ANKRA2: variants seen among roughly 807,000 people sequenced by gnomAD.
ANKRA2 encodes ankyrin repeat family A protein 2.
A neutral mutation model predicts 37.8 loss-of-function variants in ANKRA2; 33 were observed. That is an observed-to-expected ratio of 0.87 (90% CI 0.66 to 1.17). ANKRA2 has a LOEUF of 1.17. Among genes scored for constraint, ANKRA2 ranks in the 50% most tolerant of loss-of-function variants. The probability of loss-of-function intolerance (pLI) is 0.00; values close to 1 mark genes in which losing one functional copy is unlikely to be tolerated. For missense variants in ANKRA2, 326 were observed against 373.7 expected (o/e 0.87, Z 1.05); for synonymous variants, 126 against 132.3 (o/e 0.95, Z 0.33).
chr5:73,555,363 G>A (rs949269624), intron 5 of ANKRA2, 125 bp downstream of exon 5: 2 of 1,415,754 alleles, frequency 1.4e-6, no homozygotes, highest in African/African-American at 1.5e-5. Context: ...ACAAGAATAT[G>A]AAAAGCATTA....
chr5:73,557,803 G>T (rs1006818185), intron 3 of ANKRA2, among the ~76,000 whole-genome samples, 163 bp from the exon 4 acceptor site: 3 of 152,152 alleles, frequency 2.0e-5, no homozygotes, highest in African/African-American at 7.2e-5. Context: ...AAGGCTGGGC[G>T]CAGTGGCTCA....
chr5:73,558,285 T>A (rs980852823), intron 3 of ANKRA2, among the ~76,000 whole-genome samples: 2 of 152,116 alleles, frequency 1.3e-5, no homozygotes, highest in African/African-American at 2.4e-5. Flanking sequence ...CAGCCTTTTT[T>A]AAAAATCTAC....
In ANKRA2 at chr5:73,554,922, C is replaced by T. The variant is rs763819470; in HGVS notation, c.677G>A (p.Gly226Asp). The T allele has an allele frequency of 6.2e-7, 1 of 1,613,784 alleles. No individual in the cohort carries two copies. Residue 226 changes from glycine to aspartate, a missense_variant, in exon 6 of 9, where the codon GGC (glycine) becomes GAC (aspartate). Gly to Asp is a moderately conservative substitution (Grantham distance 94). Around this residue, in one of 3 missense-constraint regions of ANKRA2, gnomAD observed 228 missense variants for 260.2 expected, o/e 0.88. Transcript: ENST00000296785. The stretch of plus-strand genomic sequence containing the variant: ...CAGCATTTTGACAATATCTGTGTAG[C>T]CTTTACTACAGGCCAACGACAGTGC... Reference protein sequence around the residue: ...ESALSLACSKGYTDIVKMLLD... With the variant: ...ESALSLACSKDYTDIVKMLLD...
rs1280885358 is a variant in ANKRA2, at chr5:73,552,450, A to G, written c.*347T>C. 5.8e-6 allele frequency: 1 copy of G among 173,450 alleles called. No homozygotes were observed. The highest frequency in any genetic ancestry group is 1.2e-5 in the Non-Finnish European group (1 of 82,658). 10.7% of individuals were successfully genotyped at this position (173,450 alleles called of 1,614,324 possible). A position where few individuals can be genotyped will look rare whatever the true frequency, so the allele number is the denominator to read the frequency against. ...TCTAGGGATTTATAGCAAACCCTAT[A>G]TAAAGTGAATGACTTAATACACGAG... On this transcript the variant is annotated 3_prime_UTR_variant, in exon 9 of 9. Coordinates refer to ENST00000296785, the MANE Select transcript of ANKRA2 (RefSeq NM_023039.5).
intron 5 of ANKRA2, 157 bp from the exon 6 acceptor site, chr5:73,555,143 A>G: frequency 7.0e-7 from 1 of 1,428,644 alleles, no homozygotes; most frequent in African/African-American, 1.4e-5. Flanking sequence ...GCTTTTATTG[A>G]GATTGCCTGG....
intron 8 of ANKRA2, among the ~76,000 whole-genome samples, chr5:73,553,165 CTT>C (rs1372719203): frequency 1.3e-5 from 2 of 152,160 alleles, no homozygotes; most frequent in Non-Finnish European, 2.9e-5. Flanking sequence ...TGAAATAAAT[CTT>C]ATAAACAGGT....
rs1413409976 is a variant in ANKRA2, at chr5:73,552,513, A to G, written c.*284T>C. On this transcript the variant is annotated 3_prime_UTR_variant, in exon 9 of 9. Transcript: ENST00000296785. Reference sequence around the variant, plus strand: ...GGGTAGAATAATTTCTGAAAATGTCAAATTACAGCACTTGATACAAAGACT... The same window carrying G: ...GGGTAGAATAATTTCTGAAAATGTCGAATTACAGCACTTGATACAAAGACT... 1 of 261,868 alleles carries G rather than the reference A, an allele frequency of 3.8e-6. No homozygotes were observed. Among genetic ancestry groups the G allele is most frequent in the Non-Finnish European group, 7.1e-6 (1 of 141,226 alleles). 16.2% of individuals were successfully genotyped at this position (261,868 alleles called of 1,614,324 possible). A position where few individuals can be genotyped will look rare whatever the true frequency, so the allele number is the denominator to read the frequency against.
chr5:73,553,669 T>G (rs1194993886), intron 7 of ANKRA2, among the ~76,000 whole-genome samples, 183 bp from the exon 8 acceptor site: 1 of 152,202 alleles, frequency 6.6e-6, no homozygotes, highest in African/African-American at 2.4e-5. Flanking sequence ...GGGAAGACAC[T>G]TCAAACAAAC....
chr5:73,555,377 T>A (rs943701231), intron 5 of ANKRA2, 111 bp downstream of exon 5: 31 of 1,464,100 alleles, frequency 2.1e-5, no homozygotes, highest in Non-Finnish European at 2.5e-5. Flanking sequence ...AGCATTAAAC[T>A]TTTTTTGGTA....
intron 3 of ANKRA2, among the ~76,000 whole-genome samples, 189 bp from the exon 4 acceptor site, chr5:73,557,829 C>A (rs1747442554): frequency 6.6e-6 from 1 of 152,176 alleles, no homozygotes; most frequent in South Asian, 2.1e-4. Flanking sequence ...GTAATCCCAG[C>A]ACTTTGGGAG....
In ANKRA2 at chr5:73,554,390, T is replaced by C; in HGVS notation, c.739-2A>G. ...ATAAAGCAGAGGTGTTCCTCCATTC[T>C]GCAAAATGAAAAGGTGATTCAGAGT... On this transcript the variant is annotated splice_acceptor_variant, in intron 6 of 8. Coordinates refer to ENST00000296785, the MANE Select transcript of ANKRA2 (RefSeq NM_023039.5). LOFTEE classifies it high-confidence loss of function. 2 of 1,610,098 alleles carry C rather than the reference T, an allele frequency of 1.2e-6. No homozygotes were observed. The highest frequency in any genetic ancestry group is 2.2e-5 in the South Asian group (2 of 90,762).
intron 8 of ANKRA2, 76 bp from the exon 9 acceptor site, chr5:73,552,928 C>T: frequency 8.0e-7 from 1 of 1,257,838 alleles, no homozygotes; most frequent in Non-Finnish European, 1.1e-6. Flanking sequence ...TTTAACTTAT[C>T]CCCAATATTT....
At position 73,553,417 on chromosome 5, in the gene ANKRA2, C is replaced by A; in HGVS notation, c.875G>T (p.Gly292Val). The change falls in exon 8 of 9, where the codon GGC (glycine) becomes GTC (valine). Residue 292 changes from glycine to valine, a missense_variant. This residue lies in a region of ANKRA2 where 228 missense variants were observed against 260.2 expected (regional missense o/e 0.88). Transcript: ENST00000296785. ...TCTAACATACTTACCACTTCTATAG[C>A]CTAGGGCTACAGCTAGATCCATAGA... ...YNSMDLAVAL[G>V]YRSVQQVIES... is the part of the protein sequence containing the mutation. The A allele has an allele frequency of 6.2e-7, 1 of 1,612,712 alleles. No individual in the cohort carries two copies. The highest frequency in any genetic ancestry group is 8.5e-7 in the Non-Finnish European group (1 of 1,179,190).
chr5:73,561,195 T>A lies in ANKRA2; in HGVS notation c.383A>T (p.Gln128Leu). 1 of 1,614,018 alleles carries A rather than the reference T, an allele frequency of 6.2e-7. No individual in the cohort carries two copies. The highest frequency in any genetic ancestry group is 8.5e-7 in the Non-Finnish European group (1 of 1,179,910). Residue 128 changes from glutamine (Q) to leucine (L), a missense_variant, in exon 3 of 9, where the codon CAG becomes CTG. Physicochemically the swap from Gln to Leu is moderately radical, Grantham distance 113. Transcript: ENST00000296785. The part of the protein sequence containing the change: ...STTKHFSPIK[Q>L]STTLTNKHRG... ...GTGTTTGTTGGTTAAAGTGGTTGAC[T>A]GTTTTATGGGTGAGAAATGCTTTGT...
intron 3 of ANKRA2, among the ~76,000 whole-genome samples, chr5:73,560,799 C>T (rs992371585): frequency 5.9e-5 from 9 of 152,194 alleles, no homozygotes; most frequent in African/African-American, 2.2e-4. Flanking sequence ...TTTTCAGCAT[C>T]TACTCCCCTC....
rs1391778441 is a variant in ANKRA2, at chr5:73,561,297, A to G, written c.290-9T>C. ...ATGGATATTGCATTCAGCTAAGTGA[A>G]AAACAAATGTAAACACATTAAAAGC... On this transcript the variant is annotated splice_polypyrimidine_tract_variant and intron_variant, in intron 2 of 8. Transcript: ENST00000296785. 6.2e-7 allele frequency: 1 copy of G among 1,609,800 alleles called. No homozygotes were observed. Among genetic ancestry groups the G allele is most frequent in the Non-Finnish European group, 8.5e-7 (1 of 1,177,112 alleles).
Position 73,552,788 on chromosome 5 carries a change from T to A in ANKRA2, c.*9A>T. 1 of 1,595,444 alleles carries A rather than the reference T, an allele frequency of 6.3e-7. No homozygotes were observed. Among genetic ancestry groups the A allele is most frequent in the East Asian group, 2.2e-5 (1 of 44,472 alleles). ...AAACAAAAGGGCAGACATTTTCTGA[T>A]GACTGTGTCTACTCCTTGATATTTT... On this transcript the variant is annotated 3_prime_UTR_variant, in exon 9 of 9. Transcript: ENST00000296785.
At chr5:73,559,977 T>A (rs1287973333) in intron 3 of ANKRA2, among the ~76,000 whole-genome samples, 3 of 152,152 alleles carry the variant, frequency 2.0e-5, no homozygotes, top group Non-Finnish European at 4.4e-5. Context: ...TTGCTCAGGC[T>A]GGTCTTGAAC....
chr5:73,562,749 C>G lies in ANKRA2; in HGVS notation c.133G>C (p.Ala45Pro). Residue 45 changes from alanine (A) to proline (P), a missense_variant, in exon 2 of 9, where the codon GCT becomes CCT. This residue lies in a region of ANKRA2 where 93 missense variants were observed against 91.1 expected (regional missense o/e 1.02). Coordinates refer to ENST00000296785, the MANE Select transcript of ANKRA2 (RefSeq NM_023039.5). ...PLDPNSEEGSAQGVAMGMKFI... is the reference protein window; with the variant it reads ...PLDPNSEEGSPQGVAMGMKFI... ...TTCATTCCCATGGCAACACCCTGAG[C>G]TGACCCTTCTTCTGAATTTGGGTCC... The G allele has an allele frequency of 6.2e-7, 1 of 1,614,192 alleles. No homozygotes were observed. Among genetic ancestry groups the G allele is most frequent in the Non-Finnish European group, 8.5e-7 (1 of 1,180,042 alleles).
Sources: allele counts gnomAD v4.1 joint callset (sites outside exome capture counted in the v4.1 genomes callset), GRCh38; gene constraint gnomAD v4.1.1; regional missense constraint gnomAD v4.1.1; transcripts MANE v1.5; gene names NCBI Gene and HGNC (gene_info 2026-07-23, HGNC 2026-07-21).